PIK3CB: variants seen among roughly 807,000 people sequenced by gnomAD.
PIK3CB encodes phosphatidylinositol-4,5-bisphosphate 3-kinase catalytic subunit beta.
In PIK3CB, 39 loss-of-function variants were observed where a neutral mutation model predicts 136.8. The ratio of observed to expected loss-of-function variants is 0.29; its 90% CI spans 0.22 to 0.37. PIK3CB has a LOEUF of 0.37. Among genes scored for constraint, PIK3CB ranks in the 10% least tolerant of loss-of-function variants. The pLI is 1.00. For synonymous variants in PIK3CB, 428 were observed against 436.6 expected (o/e 0.98, Z 0.25); for missense variants, 868 against 1,275.4 (o/e 0.68, Z 4.87).
At chr3:138,701,494 G>A (rs552890508) in intron 12 of PIK3CB, among the ~76,000 whole-genome samples, 1 of 152,212 alleles carries the variant, frequency 6.6e-6, no homozygotes, top group East Asian at 1.9e-4. Flanking sequence ...AGGGGTAAAA[G>A]GACATGATGT....
At chr3:138,823,796 T>A (rs1258671108) in intron 1 of PIK3CB, among the ~76,000 whole-genome samples, 1 of 152,228 alleles carries the variant, frequency 6.6e-6, no homozygotes. Flanking sequence ...CGGGTTATAA[T>A]TCTGATCATC....
intron 4 of PIK3CB, among the ~76,000 whole-genome samples, chr3:138,744,551 G>T (rs2108678378): frequency 6.6e-6 from 1 of 151,888 alleles, no homozygotes; most frequent in East Asian, 1.9e-4. Flanking sequence ...AGGTACAAGG[G>T]GAGGCAGCAG....
chr3:138,764,923 C>T (rs527273505), intron 2 of PIK3CB, among the ~76,000 whole-genome samples: 5 of 152,330 alleles, frequency 3.3e-5, no homozygotes, highest in Non-Finnish European at 5.9e-5. Flanking sequence ...GTACTCATCT[C>T]TCCCTAGTCT....
intron 19 of PIK3CB, among the ~76,000 whole-genome samples, chr3:138,677,251 G>GT (rs905565475): frequency 1.3e-5 from 2 of 152,000 alleles, no homozygotes; most frequent in Non-Finnish European, 2.9e-5. Flanking sequence ...TAGAGACGGG[G>GT]TATCACCATG....
chr3:138,662,510 A>G (rs957616039), intron 21 of PIK3CB, among the ~76,000 whole-genome samples: 8 of 149,994 alleles, frequency 5.3e-5, no homozygotes, highest in Admixed American at 4.6e-4. Context: ...CCAGTCTATC[A>G]TTGTTGGACA....
chr3:138,702,287 C>A (rs976020802), intron 12 of PIK3CB, among the ~76,000 whole-genome samples: 3 of 148,354 alleles, frequency 2.0e-5, no homozygotes, highest in Non-Finnish European at 4.5e-5. Flanking sequence ...ATGGCCCAGG[C>A]TGCTCTCAAA....
At chr3:138,771,498 G>T (rs544559467) in intron 2 of PIK3CB, among the ~76,000 whole-genome samples, 1 of 152,112 alleles carries the variant, frequency 6.6e-6, no homozygotes, top group South Asian at 2.1e-4. Context: ...GATTACAGGC[G>T]TAAGCCACCC....
At chr3:138,685,963 C>G (rs756483629) in intron 16 of PIK3CB, among the ~76,000 whole-genome samples, 9 of 151,806 alleles carry the variant, frequency 5.9e-5, no homozygotes, top group Non-Finnish European at 1.3e-4. Flanking sequence ...ATGGAGAAAC[C>G]CCCTATCTAC....
intron 1 of PIK3CB, among the ~76,000 whole-genome samples, chr3:138,828,287 G>A (rs1576437211): frequency 6.8e-6 from 1 of 147,896 alleles, no homozygotes; most frequent in Admixed American, 6.9e-5. Flanking sequence ...CCGGGTTGAC[G>A]CCATTCTCTT....
chr3:138,693,660 A>G (rs967764383), intron 14 of PIK3CB, among the ~76,000 whole-genome samples: 2 of 152,028 alleles, frequency 1.3e-5, no homozygotes, highest in Non-Finnish European at 2.9e-5. Flanking sequence ...TCAGCCTCCC[A>G]AAGTGCAGGG....
At chr3:138,810,472 A>C (rs1268916620) in intron 1 of PIK3CB, among the ~76,000 whole-genome samples, 1 of 152,202 alleles carries the variant, frequency 6.6e-6, no homozygotes, top group Non-Finnish European at 1.5e-5. Context: ...ATATCATGTC[A>C]GAAAAATGGC....
At chr3:138,757,214 G>A (rs1360584594) in intron 3 of PIK3CB, among the ~76,000 whole-genome samples, 1 of 151,972 alleles carries the variant, frequency 6.6e-6, no homozygotes, top group African/African-American at 2.4e-5. Flanking sequence ...GACCATCCTG[G>A]CCAACATGGT....
chr3:138,795,635 A>C (rs1187552306), intron 2 of PIK3CB, among the ~76,000 whole-genome samples: 1 of 152,166 alleles, frequency 6.6e-6, no homozygotes, highest in Non-Finnish European at 1.5e-5. Flanking sequence ...TTTCAAAAAA[A>C]CAAAAATAAA....
intron 2 of PIK3CB, among the ~76,000 whole-genome samples, chr3:138,761,832 C>A (rs921548999): frequency 2.0e-5 from 3 of 151,674 alleles, no homozygotes; most frequent in African/African-American, 7.3e-5. Flanking sequence ...CCCAGCTACT[C>A]GGGAGGCTGA....
At chr3:138,786,272 TATATATAA>T (rs1162997060) in intron 2 of PIK3CB, among the ~76,000 whole-genome samples, 1 of 152,218 alleles carries the variant, frequency 6.6e-6, no homozygotes, top group Middle Eastern at 3.2e-3. Flanking sequence ...AGTCATGAGC[TATATATAA>T]TAATCTCCAT....
intron 2 of PIK3CB, among the ~76,000 whole-genome samples, chr3:138,784,058 A>G (rs1483383965): frequency 6.6e-6 from 1 of 152,206 alleles, no homozygotes; most frequent in Non-Finnish European, 1.5e-5. Context: ...AAGGGAGTTT[A>G]GCATCAAAAA....
intron 1 of PIK3CB, among the ~76,000 whole-genome samples, chr3:138,798,309 C>T (rs1215444603): frequency 2.0e-5 from 3 of 152,112 alleles, no homozygotes; most frequent in African/African-American, 7.2e-5. Flanking sequence ...GGACTAGAGA[C>T]GTGCACCACC....
intron 12 of PIK3CB, among the ~76,000 whole-genome samples, chr3:138,700,534 C>T (rs761296146): frequency 5.9e-5 from 9 of 151,496 alleles, no homozygotes; most frequent in South Asian, 2.1e-4. Context: ...TACAAATCAT[C>T]GAATAAATGG....
At chr3:138,736,446 C>T (rs551735822) in intron 6 of PIK3CB, among the ~76,000 whole-genome samples, 2 of 152,248 alleles carry the variant, frequency 1.3e-5, no homozygotes, top group Admixed American at 6.5e-5. Flanking sequence ...ACAACAACAA[C>T]AATAATATCA....
Sources: gnomAD v4.1 joint callset for allele counts (sites outside exome capture counted in the v4.1 genomes callset) on GRCh38, gnomAD v4.1.1 for gene constraint, MANE v1.5 for transcripts, NCBI Gene and HGNC (gene_info 2026-07-23, HGNC 2026-07-21) for gene names.